The following ANKRD11 variants were observed in gnomAD, a reference collection of about 807,000 sequenced individuals.
ANKRD11 encodes ankyrin repeat domain-containing protein 11.
In ANKRD11, 17 loss-of-function variants were observed where a neutral mutation model predicts 195.7. The observed-to-expected ratio is 0.09, with a 90% confidence interval of 0.06 to 0.13. ANKRD11 has a LOEUF of 0.13. Ranked by LOEUF, ANKRD11 falls within the 10% of genes least tolerant of loss-of-function variation. ANKRD11 has a pLI of 1.00. For missense variants in ANKRD11, 3,735 were observed against 3,566.1 expected (o/e 1.05, Z -1.21); for synonymous variants, 1,953 against 1,528.1 (o/e 1.28, Z -6.49).
intron 1 of ANKRD11, among the ~76,000 whole-genome samples, chr16:89,450,147 A>G (rs2044004881): frequency 6.6e-6 from 1 of 152,204 alleles, no homozygotes; most frequent in Admixed American, 6.5e-5. Flanking sequence ...ATGAGAGTAC[A>G]TGATTCTGAC....
intron 2 of ANKRD11, among the ~76,000 whole-genome samples, chr16:89,339,581 T>C (rs1271464032): frequency 6.6e-6 from 1 of 152,240 alleles, no homozygotes; most frequent in Non-Finnish European, 1.5e-5. Flanking sequence ...TTATATTTTA[T>C]AATTTCTACA....
chr16:89,436,476 G>A (rs1431393730), intron 1 of ANKRD11, among the ~76,000 whole-genome samples: 5 of 152,114 alleles, frequency 3.3e-5, no homozygotes, highest in Admixed American at 2.6e-4. Context: ...AGAGATTCAA[G>A]CAGAAAAGAC....
chr16:89,380,954 C>T (rs1232155718), intron 2 of ANKRD11, among the ~76,000 whole-genome samples: 2 of 152,186 alleles, frequency 1.3e-5, no homozygotes, highest in Non-Finnish European at 2.9e-5. Flanking sequence ...AGTGTGGGCC[C>T]ACTCTGCTGG....
intron 4 of ANKRD11, chr16:89,299,664 G>T (rs1227838868): frequency 6.4e-5 from 11 of 171,372 alleles, no homozygotes; most frequent in South Asian, 1.1e-4. Flanking sequence ...GCCCTGTGTG[G>T]GGTGCGTGGG....
chr16:89,344,051 C>T (rs908112682), intron 2 of ANKRD11, among the ~76,000 whole-genome samples: 6 of 152,186 alleles, frequency 3.9e-5, no homozygotes, highest in Non-Finnish European at 5.9e-5. Flanking sequence ...CCGGCCCCGC[C>T]CCTCCTGCTC....
At chr16:89,345,811 T>TGCTA (rs1185619050) in intron 2 of ANKRD11, among the ~76,000 whole-genome samples, 1 of 152,080 alleles carries the variant, frequency 6.6e-6, no homozygotes, top group Non-Finnish European at 1.5e-5. Flanking sequence ...CCTCTATCAA[T>TGCTA]GCTAGGTACA....
At chr16:89,277,392 C>T (rs1597421636) in intron 9 of ANKRD11, 1 of 152,286 alleles carries the variant, frequency 6.6e-6, no homozygotes, top group African/African-American at 2.4e-5. Context: ...CTCAAAAGAC[C>T]AGGCGGGAGG....
chr16:89,327,095 T>C (rs1303057688), intron 2 of ANKRD11, among the ~76,000 whole-genome samples: 1 of 138,816 alleles, frequency 7.2e-6, no homozygotes, highest in African/African-American at 2.7e-5. Flanking sequence ...AATGCAGAGG[T>C]GGGGAATGCA....
chr16:89,291,736 A>G lies in ANKRD11; in HGVS notation c.227-553T>C. On this transcript the variant is annotated intron_variant, in intron 4 of 12. Transcript: ENST00000301030. The surrounding 1 kb of genome is among the most constrained non-coding windows in gnomAD (Gnocchi z 5.3). ...CATGCCATGGTGCTTCGAGGAGCGTACCAGCCTTGCAGCACCACAACAGGG... is the reference window on the plus strand; with the variant it reads ...CATGCCATGGTGCTTCGAGGAGCGTGCCAGCCTTGCAGCACCACAACAGGG... The G allele has an allele frequency of 7.8e-7, 1 of 1,289,846 alleles. No homozygotes were observed. The highest frequency in any genetic ancestry group is 1.0e-6 in the Non-Finnish European group (1 of 988,878). 79.9% of individuals were successfully genotyped at this position (1,289,846 alleles called of 1,614,324 possible).
chr16:89,416,766 CAA>C (rs71134221), intron 2 of ANKRD11, among the ~76,000 whole-genome samples: 34 of 105,916 alleles, frequency 3.2e-4, no homozygotes, highest in East Asian at 1.3e-3. Flanking sequence ...TCTGTTTCTA[CAA>C]AAAAAAAAAA....
intron 2 of ANKRD11, among the ~76,000 whole-genome samples, chr16:89,390,973 A>G (rs989182039): frequency 6.6e-6 from 1 of 152,182 alleles, no homozygotes; most frequent in African/African-American, 2.4e-5. Flanking sequence ...TCACGCCTGT[A>G]ATCACAGCAT....
intron 3 of ANKRD11, among the ~76,000 whole-genome samples, chr16:89,310,578 A>G (rs572892863): frequency 1.9e-4 from 29 of 152,206 alleles, no homozygotes; most frequent in Non-Finnish European, 3.7e-4. Flanking sequence ...TGAATATTGT[A>G]TAACTCTGCA....
At chr16:89,274,628 G>T (rs542315094) in intron 11 of ANKRD11, 186 bp downstream of exon 11, 2 of 862,926 alleles carry the variant, frequency 2.3e-6, no homozygotes, top group East Asian at 2.6e-5. Flanking sequence ...GCTGTCTGCT[G>T]CAGCCTTCTT....
intron 7 of ANKRD11, 166 bp downstream of exon 7, chr16:89,288,362 G>C: frequency 8.8e-7 from 1 of 1,131,958 alleles, no homozygotes; most frequent in Non-Finnish European, 1.3e-6. Flanking sequence ...GAAGGGGAAA[G>C]CTGGGGGCAG....
chr16:89,386,285 T>C (rs1289787722), intron 2 of ANKRD11, among the ~76,000 whole-genome samples: 1 of 152,200 alleles, frequency 6.6e-6, no homozygotes, highest in Non-Finnish European at 1.5e-5. Flanking sequence ...CTTTTTTTTT[T>C]TAAAGCTTGA....
In ANKRD11 at chr16:89,429,035, G is replaced by A. The variant is rs532373369; in HGVS notation, c.-144-10667C>T. 9.3e-4 allele frequency among the ~76,000 whole-genome samples: 141 copies of A among 152,330 alleles called. 1 individual carries two copies. Among genetic ancestry groups the A allele is most frequent in the Non-Finnish European group, 1.3e-3 (91 of 68,030 alleles). On this transcript the variant is annotated intron_variant, in intron 1 of 12. Transcript: ENST00000301030. ...ACAGAATGTAAATGGGGGTTGGGGG[G>A]AGGGAAGGGACTACACAGCTTCTGA...
chr16:89,301,839 G>T (rs2035874577), intron 4 of ANKRD11, among the ~76,000 whole-genome samples: 1 of 152,198 alleles, frequency 6.6e-6, no homozygotes, highest in African/African-American at 2.4e-5. Context: ...CATGGCACTG[G>T]ACCGCGGGCA....
chr16:89,419,662 G>A (rs377689555), intron 1 of ANKRD11, among the ~76,000 whole-genome samples: 14 of 152,306 alleles, frequency 9.2e-5, no homozygotes, highest in Admixed American at 2.6e-4. Flanking sequence ...ATTGAAGGCA[G>A]CTCCCAGGAC....
intron 1 of ANKRD11, among the ~76,000 whole-genome samples, chr16:89,449,356 C>G (rs778347166): frequency 3.3e-5 from 5 of 151,918 alleles, no homozygotes; most frequent in Non-Finnish European, 7.4e-5. Context: ...CAGAATGAGA[C>G]CCTGTCTCAG....
Sources: gnomAD v4.1 joint callset for allele counts (sites outside exome capture counted in the v4.1 genomes callset) on GRCh38, gnomAD v4.1.1 for gene constraint, Gnocchi (gnomAD v3.1) non-coding constraint, MANE v1.5 for transcripts, NCBI Gene and HGNC (gene_info 2026-07-23, HGNC 2026-07-21) for gene names.